Variants in CNTNAP5 observed in about 807,000 individuals in gnomAD.
The protein encoded by CNTNAP5 is contactin-associated protein-like 5.
Under a neutral mutation model 150.2 loss-of-function variants are expected in CNTNAP5, and 72 were observed. That is an observed-to-expected ratio of 0.48 (90% CI 0.40 to 0.58). The LOEUF (loss-of-function observed/expected upper bound fraction) is 0.58, where lower values mean the gene tolerates loss of function less well. CNTNAP5 is among the 20% of genes least tolerant of loss of function. The pLI, the probability that CNTNAP5 is intolerant of heterozygous loss-of-function variation, is 0.00. For missense variants in CNTNAP5, 1,636 were observed against 1,626.2 expected (o/e 1.01, Z -0.10); for synonymous variants, 672 against 619.8 (o/e 1.08, Z -1.25).
At chr2:124,177,110 A>G (rs962436272) in intron 1 of CNTNAP5, among the ~76,000 whole-genome samples, 7 of 152,066 alleles carry the variant, frequency 4.6e-5, no homozygotes, top group African/African-American at 1.4e-4. Context: ...GGCCTCCCAG[A>G]TTGATGGGAC....
At chr2:124,623,662 G>A (rs939902930) in intron 12 of CNTNAP5, among the ~76,000 whole-genome samples, 1 of 152,138 alleles carries the variant, frequency 6.6e-6, no homozygotes, top group South Asian at 2.1e-4. Flanking sequence ...GGGAAAGAAA[G>A]CCTAGATCCT....
chr2:124,826,055 C>T (rs1357812165), intron 19 of CNTNAP5, among the ~76,000 whole-genome samples: 1 of 151,760 alleles, frequency 6.6e-6, no homozygotes, highest in Non-Finnish European at 1.5e-5. Flanking sequence ...ATATAACAAA[C>T]ATAATTGCAT....
chr2:124,807,418 A>T (rs538314417), intron 19 of CNTNAP5, among the ~76,000 whole-genome samples: 1 of 152,168 alleles, frequency 6.6e-6, no homozygotes, highest in Admixed American at 6.5e-5. Context: ...TCAGCTAGAA[A>T]ATATTTCCTA....
chr2:124,282,199 G>A (rs1259208123), intron 3 of CNTNAP5, among the ~76,000 whole-genome samples: 1 of 152,134 alleles, frequency 6.6e-6, no homozygotes, highest in Non-Finnish European at 1.5e-5. Flanking sequence ...ACTTGTGTTT[G>A]AATGCCAGAT....
At chr2:124,471,513 A>G (rs1693514674) in intron 6 of CNTNAP5, among the ~76,000 whole-genome samples, 1 of 152,054 alleles carries the variant, frequency 6.6e-6, no homozygotes, top group Non-Finnish European at 1.5e-5. Context: ...TCTGCAAACA[A>G]AGATAATTTG....
At chr2:124,867,007 T>A (rs1281031011) in intron 20 of CNTNAP5, among the ~76,000 whole-genome samples, 2 of 152,102 alleles carry the variant, frequency 1.3e-5, no homozygotes, top group Non-Finnish European at 2.9e-5. Context: ...GTGTTTGCAC[T>A]CTCTCTCCCT....
chr2:124,126,039 C>A (rs1261450175), intron 1 of CNTNAP5, among the ~76,000 whole-genome samples: 1 of 152,036 alleles, frequency 6.6e-6, no homozygotes. Flanking sequence ...CAAAAGCTAG[C>A]AGAAGGCAAG....
intron 16 of CNTNAP5, among the ~76,000 whole-genome samples, chr2:124,771,178 T>G (rs1264682346): frequency 6.6e-6 from 1 of 152,180 alleles, no homozygotes; most frequent in African/African-American, 2.4e-5. Context: ...TTCCGATAAT[T>G]TAAATCTGGC....
chr2:124,733,039 C>T (rs1291591254), intron 13 of CNTNAP5, among the ~76,000 whole-genome samples: 1 of 152,122 alleles, frequency 6.6e-6, no homozygotes, highest in African/African-American at 2.4e-5. Context: ...AACATTTACT[C>T]CCTGTTCACT....
intron 2 of CNTNAP5, among the ~76,000 whole-genome samples, chr2:124,225,962 G>T (rs1446443581): frequency 6.6e-6 from 1 of 151,992 alleles, no homozygotes; most frequent in Non-Finnish European, 1.5e-5. Context: ...TCTTTTTTAT[G>T]GATGAATAAT....
chr2:124,408,848 T>C (rs377084069), intron 3 of CNTNAP5, among the ~76,000 whole-genome samples: 74 of 152,114 alleles, frequency 4.9e-4, no homozygotes, highest in African/African-American at 9.4e-4. Flanking sequence ...TCCAAAGGAA[T>C]GCAGTTCCTC....
At chr2:124,751,834 C>T (rs1429295905) in intron 14 of CNTNAP5, among the ~76,000 whole-genome samples, 1 of 152,196 alleles carries the variant, frequency 6.6e-6, no homozygotes, top group Non-Finnish European at 1.5e-5. Context: ...TAAATGTTAC[C>T]TATCATATCC....
chr2:124,306,352 C>T (rs777885024), intron 3 of CNTNAP5, among the ~76,000 whole-genome samples: 1 of 152,164 alleles, frequency 6.6e-6, no homozygotes, highest in Admixed American at 6.5e-5. Flanking sequence ...TAGACACAAG[C>T]AGTCTTAGGA....
intron 1 of CNTNAP5, among the ~76,000 whole-genome samples, chr2:124,069,438 C>T (rs185489618): frequency 2.0e-5 from 3 of 152,268 alleles, no homozygotes; most frequent in Admixed American, 6.5e-5. Flanking sequence ...TGGAAAGGCA[C>T]AAACCTGGCT....
At chr2:124,249,894 C>T (rs1219764340) in intron 3 of CNTNAP5, among the ~76,000 whole-genome samples, 1 of 151,930 alleles carries the variant, frequency 6.6e-6, no homozygotes, top group African/African-American at 2.4e-5. Context: ...GGTGTAATGA[C>T]TGAGTTGAAG....
chr2:124,056,360 C>T (rs1339216188), intron 1 of CNTNAP5, among the ~76,000 whole-genome samples: 1 of 152,182 alleles, frequency 6.6e-6, no homozygotes, highest in East Asian at 1.9e-4. Context: ...CACGGTGGCT[C>T]ACGCCTGTAA....
chr2:124,402,465 G>T (rs1308400535), intron 3 of CNTNAP5, among the ~76,000 whole-genome samples: 1 of 152,164 alleles, frequency 6.6e-6, no homozygotes, highest in Non-Finnish European at 1.5e-5. Context: ...ATTGTCACTA[G>T]CACAGCTCTG....
chr2:124,310,060 T>G (rs937473561), intron 3 of CNTNAP5, among the ~76,000 whole-genome samples: 6 of 150,740 alleles, frequency 4.0e-5, no homozygotes, highest in Admixed American at 4.0e-4. Flanking sequence ...CTCTTACCTT[T>G]TTTTTTTTTT....
chr2:124,536,339 C>T (rs1463299746), intron 10 of CNTNAP5, among the ~76,000 whole-genome samples: 1 of 152,130 alleles, frequency 6.6e-6, no homozygotes, highest in African/African-American at 2.4e-5. Context: ...AAGTATGGCC[C>T]CCAGGACTGC....
Sources: allele counts gnomAD v4.1 joint callset (sites outside exome capture counted in the v4.1 genomes callset), GRCh38; gene constraint gnomAD v4.1.1; transcripts MANE v1.5; gene names NCBI Gene and HGNC (gene_info 2026-07-23, HGNC 2026-07-21).